The following RARB variants were observed in gnomAD, a reference collection of about 807,000 sequenced individuals.
RARB encodes HBV-activated protein.
In RARB, 17 loss-of-function variants were observed where a neutral mutation model predicts 51.9. The ratio of observed to expected loss-of-function variants is 0.33; its 90% CI spans 0.22 to 0.49. The LOEUF (loss-of-function observed/expected upper bound fraction) is 0.49. RARB is among the 20% of genes least tolerant of loss of function. The probability of loss-of-function intolerance (pLI) is 0.99; values close to 1 mark genes in which losing one functional copy is unlikely to be tolerated. For synonymous variants in RARB, 215 were observed against 195.4 expected (o/e 1.10, Z -0.84); for missense variants, 369 against 550.8 (o/e 0.67, Z 3.30).
At chr3:25,133,426 G>A (rs192667913) in intron 4 of RARB, among the ~76,000 whole-genome samples, 22 of 152,048 alleles carry the variant, frequency 1.4e-4, no homozygotes, top group Admixed American at 9.8e-4. Context: ...CACTTAGGCA[G>A]TGACAATCTC....
chr3:25,045,948 T>C (rs542934875), intron 2 of RARB, among the ~76,000 whole-genome samples: 8 of 152,248 alleles, frequency 5.3e-5, no homozygotes, highest in Non-Finnish European at 8.8e-5. Context: ...TGATCAGATT[T>C]AATATTCATT....
At chr3:25,467,736 A>G (rs901524339) in intron 2 of RARB, among the ~76,000 whole-genome samples, 4 of 152,220 alleles carry the variant, frequency 2.6e-5, no homozygotes, top group Non-Finnish European at 4.4e-5. Context: ...ACCGTCTTCT[A>G]TTATTCCCTA....
At chr3:25,051,779 T>C (rs1243333721) in intron 2 of RARB, among the ~76,000 whole-genome samples, 1 of 152,070 alleles carries the variant, frequency 6.6e-6, no homozygotes, top group Non-Finnish European at 1.5e-5. Flanking sequence ...GGAGAGAACA[T>C]GGCCAAGCTA....
chr3:25,494,353 C>T (rs1696916858), intron 2 of RARB, among the ~76,000 whole-genome samples: 2 of 151,934 alleles, frequency 1.3e-5, no homozygotes, highest in African/African-American at 2.4e-5. Context: ...ATCTCTGTTG[C>T]TTACCCATAA....
chr3:25,276,450 A>G (rs941837239), intron 5 of RARB, among the ~76,000 whole-genome samples: 1 of 152,258 alleles, frequency 6.6e-6, no homozygotes, highest in African/African-American at 2.4e-5. Context: ...AAAATACTCA[A>G]TAAACCTAAT....
At chr3:25,108,526 G>A (rs1314217445) in intron 3 of RARB, among the ~76,000 whole-genome samples, 2 of 152,138 alleles carry the variant, frequency 1.3e-5, no homozygotes, top group Non-Finnish European at 2.9e-5. Context: ...AGATCAGGAA[G>A]TGCCATACAT....
At chr3:25,295,061 T>C (rs918308791) in intron 5 of RARB, among the ~76,000 whole-genome samples, 2 of 152,238 alleles carry the variant, frequency 1.3e-5, no homozygotes, top group African/African-American at 4.8e-5. Context: ...ACCCAAATTA[T>C]ATAGACTATG....
intron 2 of RARB, among the ~76,000 whole-genome samples, chr3:24,982,170 A>G (rs1443093761): frequency 6.6e-6 from 1 of 152,112 alleles, no homozygotes; most frequent in Non-Finnish European, 1.5e-5. Flanking sequence ...GCACTCTCTC[A>G]GCTTGGTCAG....
intron 2 of RARB, among the ~76,000 whole-genome samples, chr3:24,937,387 C>T (rs7644919): frequency 6.6e-6 from 1 of 152,112 alleles, no homozygotes; most frequent in Non-Finnish European, 1.5e-5. Flanking sequence ...GGTGCCAGAA[C>T]CTGCCTTGAC....
intron 3 of RARB, among the ~76,000 whole-genome samples, chr3:25,090,218 C>T (rs1699172375): frequency 6.6e-6 from 1 of 152,082 alleles, no homozygotes; most frequent in South Asian, 2.1e-4. Context: ...GAACTTCATT[C>T]AAAATAAACC....
At chr3:24,906,180 G>A (rs541296506) in intron 2 of RARB, among the ~76,000 whole-genome samples, 1 of 152,280 alleles carries the variant, frequency 6.6e-6, no homozygotes, top group East Asian at 1.9e-4. Flanking sequence ...CCACATTTTG[G>A]TTTTAGAAAG....
At chr3:25,303,458 G>A (rs777642627) in intron 5 of RARB, among the ~76,000 whole-genome samples, 29 of 152,112 alleles carry the variant, frequency 1.9e-4, no homozygotes, top group Non-Finnish European at 1.9e-4. Context: ...TTTTGAGCTG[G>A]TGCAAGGAGT....
At chr3:25,389,540 G>A (rs1706889245) in intron 5 of RARB, among the ~76,000 whole-genome samples, 1 of 152,140 alleles carries the variant, frequency 6.6e-6, no homozygotes, top group African/African-American at 2.4e-5. Context: ...ATACATGCTG[G>A]TCAGCTCTGC....
chr3:25,114,433 CA>C (rs1184487742), intron 3 of RARB, among the ~76,000 whole-genome samples: 1 of 152,128 alleles, frequency 6.6e-6, no homozygotes, highest in Non-Finnish European at 1.5e-5. Flanking sequence ...TGAGTTAAAA[CA>C]TTTATTTTAG....
At chr3:25,093,950 T>C (rs186150956) in intron 3 of RARB, among the ~76,000 whole-genome samples, 1 of 152,198 alleles carries the variant, frequency 6.6e-6, no homozygotes, top group East Asian at 1.9e-4. Flanking sequence ...AAAACACATA[T>C]ACACACAAAA....
intron 4 of RARB, among the ~76,000 whole-genome samples, chr3:25,165,170 C>T (rs537547325): frequency 2.6e-5 from 4 of 152,154 alleles, no homozygotes; most frequent in East Asian, 3.9e-4. Flanking sequence ...TCTAGAATGC[C>T]GTTCTTGACA....
At chr3:24,949,351 C>G (rs1025583097) in intron 2 of RARB, among the ~76,000 whole-genome samples, 2 of 152,138 alleles carry the variant, frequency 1.3e-5, no homozygotes, top group African/African-American at 4.8e-5. Context: ...ATATAATTAC[C>G]CTTCCCCCCT....
intron 3 of RARB, among the ~76,000 whole-genome samples, chr3:25,565,441 C>CTATTAT (rs144655011): frequency 6.6e-6 from 1 of 151,842 alleles, no homozygotes; most frequent in Non-Finnish European, 1.5e-5. Context: ...TGCCAATATT[C>CTATTAT]TATTATTATT....
chr3:25,329,092 T>A (rs1239838273), intron 5 of RARB, among the ~76,000 whole-genome samples: 2 of 152,148 alleles, frequency 1.3e-5, no homozygotes, highest in Non-Finnish European at 2.9e-5. Context: ...ACTGCACCTC[T>A]CAGGGCAGGG....
Sources: allele counts gnomAD v4.1 joint callset (sites outside exome capture counted in the v4.1 genomes callset), GRCh38; gene constraint gnomAD v4.1.1; transcripts MANE v1.5; gene names NCBI Gene and HGNC (gene_info 2026-07-23, HGNC 2026-07-21).